Variants in SYNPR observed in about 807,000 individuals in gnomAD.
SYNPR encodes synaptoporin.
A neutral mutation model predicts 32.9 loss-of-function variants in SYNPR; 23 were observed. That is an observed-to-expected ratio of 0.70 (90% CI 0.50 to 0.99). The LOEUF (loss-of-function observed/expected upper bound fraction) is 0.99. Among genes scored for constraint, SYNPR ranks in the 50% least tolerant of loss-of-function variants. SYNPR has a pLI of 0.00. For missense variants in SYNPR, 318 were observed against 349.3 expected (o/e 0.91, Z 0.71); for synonymous variants, 146 against 135.9 (o/e 1.07, Z -0.52).
At chr3:63,588,262 G>A (rs75140619) in intron 4 of SYNPR, among the ~76,000 whole-genome samples, 3,140 of 152,050 alleles carry the variant, frequency 0.021, 122 homozygotes, top group African/African-American at 0.07. Context: ...AGTTTTGTTC[G>A]GTTGATGAGA....
chr3:63,449,726 C>T (rs919491368), intron 2 of SYNPR, among the ~76,000 whole-genome samples: 2 of 152,162 alleles, frequency 1.3e-5, no homozygotes, highest in Non-Finnish European at 2.9e-5. Flanking sequence ...TGCCATTTGC[C>T]AACAAAGACA....
chr3:63,530,926 T>C (rs1205179454), intron 3 of SYNPR, among the ~76,000 whole-genome samples: 3 of 152,218 alleles, frequency 2.0e-5, no homozygotes, highest in African/African-American at 7.2e-5. Context: ...CCAGGCTTTG[T>C]GGGGGAGTTT....
chr3:63,511,249 G>C (rs1701694711), intron 3 of SYNPR, among the ~76,000 whole-genome samples: 1 of 152,078 alleles, frequency 6.6e-6, no homozygotes, highest in South Asian at 2.1e-4. Flanking sequence ...AAGTGACCCT[G>C]AGATGCTCCC....
At chr3:63,318,464 T>G (rs572176843) in intron 2 of SYNPR, among the ~76,000 whole-genome samples, 1 of 151,974 alleles carries the variant, frequency 6.6e-6, no homozygotes, top group Admixed American at 6.6e-5. Context: ...TATTCTTTTT[T>G]CTTTGTCTTT....
At chr3:63,334,882 C>A (rs979086001) in intron 2 of SYNPR, among the ~76,000 whole-genome samples, 3 of 152,130 alleles carry the variant, frequency 2.0e-5, no homozygotes, top group African/African-American at 7.2e-5. Flanking sequence ...GTTCCACTAG[C>A]AGATACTTTT....
intron 4 of SYNPR, among the ~76,000 whole-genome samples, chr3:63,578,306 A>C (rs558866902): frequency 1.8e-4 from 27 of 152,262 alleles, no homozygotes; most frequent in African/African-American, 6.0e-4. Context: ...GGAGGTGCTA[A>C]AGAAGGCTGT....
intron 2 of SYNPR, among the ~76,000 whole-genome samples, chr3:63,379,195 T>G (rs893998653): frequency 6.6e-6 from 1 of 152,104 alleles, no homozygotes; most frequent in African/African-American, 2.4e-5. Flanking sequence ...ATTTGTTGAG[T>G]TTTGTTTTAT....
In SYNPR at chr3:63,563,224, A is replaced by C. The variant is rs542854661; in HGVS notation, c.408+6483A>C. 2.6e-5 allele frequency among the ~76,000 whole-genome samples: 4 copies of C among 152,294 alleles called. No individual in the cohort carries two copies. In the South Asian group the frequency reaches 8.3e-4, roughly 32 times the overall value. ...TTAACTCAGGACTACTTGTAAGATCACAATTGCTAGGTTGAACCATCCAAT... is the reference window on the plus strand; with the variant it reads ...TTAACTCAGGACTACTTGTAAGATCCCAATTGCTAGGTTGAACCATCCAAT... On this transcript the variant is annotated intron_variant, in intron 4 of 5. Coordinates refer to ENST00000478300, the MANE Select transcript of SYNPR (RefSeq NM_001130003.2).
rs148419283 is a variant in SYNPR, at chr3:63,481,840, T to C, written c.209+884T>C. On this transcript the variant is annotated intron_variant, in intron 3 of 5. Coordinates refer to ENST00000478300, the MANE Select transcript of SYNPR (RefSeq NM_001130003.2). ...AACATGCAGGATCTAGGACAGGAGA[T>C]GAAAACTGCCAATGGCCGGGCAGCG... Among the ~76,000 whole-genome samples the C allele has an allele frequency of 3.6e-3, 555 of 152,146 alleles. 16 individuals carry two copies. Among genetic ancestry groups the C allele is most frequent in the East Asian group, 0.034 (175 of 5,176 alleles).
intron 4 of SYNPR, among the ~76,000 whole-genome samples, chr3:63,605,775 C>A (rs1700109036): frequency 6.6e-6 from 1 of 152,124 alleles, no homozygotes; most frequent in Admixed American, 6.5e-5. Flanking sequence ...AAGAAGGAGC[C>A]ATGTGGGTCC....
chr3:63,286,533 T>A (rs2106924938), intron 2 of SYNPR, among the ~76,000 whole-genome samples: 1 of 135,808 alleles, frequency 7.4e-6, no homozygotes, highest in African/African-American at 2.8e-5. Context: ...AGAAACACCA[T>A]CCTTAGTTCT....
Position 63,495,020 on chromosome 3 carries a change from A to G in SYNPR, c.209+14064A>G, listed in dbSNP as rs563487769. On this transcript the variant is annotated intron_variant, in intron 3 of 5. Transcript: ENST00000478300. ...TCAGAATCACTGGCATTAATTTTCC[A>G]GTTGATTTCCTGAGTCCAGGAATAA... Among the ~76,000 whole-genome samples, 123 of 152,332 alleles carry G rather than the reference A, an allele frequency of 8.1e-4. 1 individual carries two copies. The highest frequency in any genetic ancestry group is 2.9e-3 in the African/African-American group (122 of 41,588).
chr3:63,490,114 G>C (rs1459417401), intron 3 of SYNPR, among the ~76,000 whole-genome samples: 1 of 152,172 alleles, frequency 6.6e-6, no homozygotes, highest in Non-Finnish European at 1.5e-5. Flanking sequence ...TGAAATTTGA[G>C]TGCAGACCTG....
At chr3:63,234,375 A>T (rs1304177004) in intron 1 of SYNPR, among the ~76,000 whole-genome samples, 2 of 152,216 alleles carry the variant, frequency 1.3e-5, no homozygotes, top group Non-Finnish European at 2.9e-5. Flanking sequence ...CAGCCAAATC[A>T]TATCAATGGG....
At chr3:63,411,985 A>G (rs2088472815) in intron 2 of SYNPR, among the ~76,000 whole-genome samples, 1 of 152,126 alleles carries the variant, frequency 6.6e-6, no homozygotes, top group African/African-American at 2.4e-5. Flanking sequence ...TAAGGAGACA[A>G]TTGTGATAGT....
In SYNPR at chr3:63,616,470, G is replaced by C. The variant is rs1700279986; in HGVS notation, c.*989G>C. ...ATATTCTGTAGAACCTCTACTACCA[G>C]CTATATTTTTAAATCCTGTTTATTT... On this transcript the variant is annotated 3_prime_UTR_variant, in exon 6 of 6. Transcript: ENST00000478300. 1 of 152,510 alleles carries C rather than the reference G, an allele frequency of 6.6e-6. No individual in the cohort carries two copies. Among genetic ancestry groups the C allele is most frequent in the South Asian group, 2.1e-4 (1 of 4,824 alleles). 9.4% of individuals were successfully genotyped at this position (152,510 alleles called of 1,614,324 possible). A position where few individuals can be genotyped will look rare whatever the true frequency, so the allele number is the denominator to read the frequency against.
intron 2 of SYNPR, among the ~76,000 whole-genome samples, chr3:63,417,726 T>C (rs765288381): frequency 6.6e-6 from 1 of 152,232 alleles, no homozygotes; most frequent in Non-Finnish European, 1.5e-5. Flanking sequence ...TGCCAAGGCT[T>C]GGGGCTTGCA....
At chr3:63,315,351 T>C (rs2106960172) in intron 2 of SYNPR, among the ~76,000 whole-genome samples, 1 of 152,288 alleles carries the variant, frequency 6.6e-6, no homozygotes, top group East Asian at 1.9e-4. Context: ...ACAATATTGA[T>C]TCTACCCATC....
chr3:63,349,250 G>A (rs2087475833), intron 2 of SYNPR, among the ~76,000 whole-genome samples: 1 of 151,928 alleles, frequency 6.6e-6, no homozygotes. Context: ...TTACAGGCAC[G>A]CGCCACCACG....
Sources: allele counts gnomAD v4.1 joint callset (sites outside exome capture counted in the v4.1 genomes callset), GRCh38; gene constraint gnomAD v4.1.1; transcripts MANE v1.5; gene names NCBI Gene and HGNC (gene_info 2026-07-23, HGNC 2026-07-21).